FRY: variants seen among roughly 807,000 people sequenced by gnomAD.
FRY encodes the protein FRY microtubule binding protein.
In FRY, 128 loss-of-function variants were observed where a neutral mutation model predicts 348.4. The ratio of observed to expected loss-of-function variants is 0.37; its 90% CI spans 0.32 to 0.43. FRY has a LOEUF of 0.43. Ranked by LOEUF, FRY falls within the 20% of genes least tolerant of loss-of-function variation. The pLI, the probability that FRY is intolerant of heterozygous loss-of-function variation, is 1.00. For missense variants in FRY, 2,736 were observed against 3,695.2 expected, an observed-to-expected ratio of 0.74 and a Z score of 6.73; for synonymous variants, 1,370 against 1,374.7, an observed-to-expected ratio of 1.00 and a Z score of 0.08.
intron 1 of FRY, among the ~76,000 whole-genome samples, chr13:32,076,227 A>T (rs939545741): frequency 6.6e-6 from 1 of 152,206 alleles, no homozygotes. Context: ...TCTTGCAATA[A>T]CTGTATATAT....
chr13:32,263,316 T>C (rs1362669024), intron 53 of FRY, among the ~76,000 whole-genome samples: 8 of 152,098 alleles, frequency 5.3e-5, no homozygotes, highest in Admixed American at 2.0e-4. Context: ...AATGGAAAAA[T>C]ATAATATTGG....
intron 50 of FRY, among the ~76,000 whole-genome samples, chr13:32,253,755 G>A (rs545303471): frequency 6.6e-6 from 1 of 152,096 alleles, no homozygotes; most frequent in Non-Finnish European, 1.5e-5. Flanking sequence ...TCAATTGCTT[G>A]TTTATCTCTA....
In FRY at chr13:32,179,684, A is replaced by T. The variant is rs1882584851; in HGVS notation, c.2881A>T (p.Thr961Ser). The change falls in exon 23 of 61, where the codon ACC becomes TCC. Residue 961 changes from threonine to serine, a missense_variant. Coordinates refer to ENST00000542859, the MANE Select transcript of FRY (RefSeq NM_023037.3). ...ATTCAACTTATTTCAGGCCATAGGC[A>T]CCCCATCGGTGGGAGTTCTGTTAAA... Reference protein sequence around the residue: ...TVSYDNKAIGTPSVGVLLKQL... With the variant: ...TVSYDNKAIGSPSVGVLLKQL... The T allele has an allele frequency of 1.9e-6, 3 of 1,613,954 alleles. No homozygotes were observed. In the African/African-American group the frequency reaches 4.0e-5, roughly 22 times the overall value.
intron 41 of FRY, among the ~76,000 whole-genome samples, chr13:32,233,352 C>T (rs898558317): frequency 1.1e-4 from 17 of 152,194 alleles, no homozygotes; most frequent in African/African-American, 4.1e-4. Context: ...TTCAGTCCTC[C>T]TACCCTTGTA....
chr13:32,205,833 A>G (rs1341938229), intron 31 of FRY, among the ~76,000 whole-genome samples: 1 of 151,974 alleles, frequency 6.6e-6, no homozygotes, highest in Non-Finnish European at 1.5e-5. Flanking sequence ...GAGGATAGTT[A>G]AGAAACAATG....
rs576463370 is a variant in FRY at position 32,037,739 on chromosome 13, C to T, written c.70+5874C>T. On this transcript the variant is annotated intron_variant, in intron 1 of 60. Coordinates refer to ENST00000542859, the MANE Select transcript of FRY (RefSeq NM_023037.3). Reference sequence around the variant, plus strand: ...AAAGATTCTCCTATCCTACCCTAAACAGACAGCTGTTTCAAAACATTTTAA... The same window carrying T: ...AAAGATTCTCCTATCCTACCCTAAATAGACAGCTGTTTCAAAACATTTTAA... 1.4e-4 allele frequency among the ~76,000 whole-genome samples: 21 copies of T among 152,332 alleles called. No individual in the cohort carries two copies. In the East Asian group the frequency reaches 3.7e-3, roughly 27 times the overall value.
intron 2 of FRY, among the ~76,000 whole-genome samples, chr13:32,099,503 G>A (rs553420141): frequency 2.0e-5 from 3 of 151,942 alleles, no homozygotes; most frequent in Admixed American, 6.5e-5. Flanking sequence ...CAAGTTGTCC[G>A]AGTTTTAAAA....
Position 32,224,824 on chromosome 13 carries a change from T to C in FRY, c.4917-109T>C, listed in dbSNP as rs534253784. On this transcript the variant is annotated intron_variant, in intron 37 of 60. Transcript: ENST00000542859. ...CTATTTCCCCCGAATAAGAGCCTTA[T>C]ATAATGTTTTAAAAACACTTAAGAG... 4.3e-5 allele frequency: 32 copies of C among 751,300 alleles called. No individual in the cohort carries two copies. In the South Asian group the frequency reaches 4.5e-4, roughly 10 times the overall value. 46.5% of individuals were successfully genotyped at this position (751,300 alleles called of 1,614,324 possible).
At chr13:32,132,024 C>T (rs1879398566) in intron 8 of FRY, among the ~76,000 whole-genome samples, 184 bp downstream of exon 8, 2 of 152,116 alleles carry the variant, frequency 1.3e-5, no homozygotes, top group African/African-American at 4.8e-5. Context: ...TTTCATTTCT[C>T]AACTTTCATA....
chr13:32,128,581 G>T (rs1879166034), intron 7 of FRY, among the ~76,000 whole-genome samples: 1 of 152,182 alleles, frequency 6.6e-6, no homozygotes, highest in Admixed American at 6.5e-5. Context: ...CGGTGTAATG[G>T]AAATTCCTGG....
At chr13:32,285,923 A>G (rs1260939724) in intron 58 of FRY, among the ~76,000 whole-genome samples, 1 of 152,188 alleles carries the variant, frequency 6.6e-6, no homozygotes, top group African/African-American at 2.4e-5. Context: ...GAGAATAGTA[A>G]ACACCTGAAG....
chr13:32,078,473 C>T (rs1206579472), intron 1 of FRY, among the ~76,000 whole-genome samples: 1 of 152,178 alleles, frequency 6.6e-6, no homozygotes, highest in Middle Eastern at 3.4e-3. Context: ...ACTTTTTTTC[C>T]CATATATGTT....
chr13:32,046,332 G>A (rs1204353579), intron 1 of FRY, among the ~76,000 whole-genome samples: 1 of 152,138 alleles, frequency 6.6e-6, no homozygotes, highest in African/African-American at 2.4e-5. Flanking sequence ...ATTGACCCAC[G>A]CAAGAGACAG....
At position 32,267,293 on chromosome 13, in the gene FRY, G is replaced by A. The variant is rs755673337; in HGVS notation, c.8070G>A (p.Gln2690=). Residue 2690 remains glutamine, a synonymous_variant, in exon 55 of 61, where the codon CAG becomes CAA. Coordinates refer to ENST00000542859, the MANE Select transcript of FRY (RefSeq NM_023037.3). The part of the protein sequence containing the change: ...AEEAWRSHIN[Q]LMCDSDGSCA... ...AGGCCTGGCGCAGCCACATCAACCA[G>A]CTTATGTGTGACTCAGATGGCTCCT... 1.2e-6 allele frequency: 2 copies of A among 1,614,134 alleles called. No homozygotes were observed. The highest frequency in any genetic ancestry group is 1.7e-6 in the Non-Finnish European group (2 of 1,180,004).
chr13:32,085,710 A>G (rs770648495), intron 2 of FRY: 53 of 356,214 alleles, frequency 1.5e-4, no homozygotes, highest in Non-Finnish European at 2.3e-4. Flanking sequence ...AATTTCTGGT[A>G]TATTTCCTCA....
At chr13:32,087,762 T>C (rs1380783467) in intron 2 of FRY, among the ~76,000 whole-genome samples, 2 of 152,222 alleles carry the variant, frequency 1.3e-5, no homozygotes, top group African/African-American at 4.8e-5. Flanking sequence ...CTTCTAGATA[T>C]CAGAAAATAT....
intron 34 of FRY, among the ~76,000 whole-genome samples, chr13:32,211,952 C>T (rs1048867797): frequency 6.6e-6 from 1 of 152,162 alleles, no homozygotes; most frequent in Admixed American, 6.5e-5. Context: ...AGTTTAGTAA[C>T]TCCTGGACCC....
chr13:32,179,938 T>C (rs2138243642), intron 23 of FRY, 139 bp downstream of exon 23: 2 of 819,016 alleles, frequency 2.4e-6, no homozygotes, highest in Admixed American at 1.8e-5. Flanking sequence ...CACTACATCG[T>C]CTTGGTTGAT....
intron 3 of FRY, among the ~76,000 whole-genome samples, chr13:32,108,700 A>G (rs370048828): frequency 2.0e-5 from 3 of 152,326 alleles, no homozygotes; most frequent in African/African-American, 7.2e-5. Context: ...TTCACTGGAC[A>G]GTTTTTCATG....
Sources: gnomAD v4.1 joint callset for allele counts (sites outside exome capture counted in the v4.1 genomes callset) on GRCh38, gnomAD v4.1.1 for gene constraint, MANE v1.5 for transcripts, NCBI Gene and HGNC (gene_info 2026-07-23, HGNC 2026-07-21) for gene names.